GPATCH2: variants seen among roughly 807,000 people sequenced by gnomAD.
The protein encoded by GPATCH2 is G patch domain-containing protein 2.
In GPATCH2, 51 loss-of-function variants were observed where a neutral mutation model predicts 58.0. The observed-to-expected ratio is 0.88, with a 90% CI of 0.70 to 1.11. The LOEUF (loss-of-function observed/expected upper bound fraction) is 1.11. Ranked by LOEUF, GPATCH2 falls within the 50% of genes most tolerant of loss-of-function variation. The pLI, the probability that GPATCH2 is intolerant of heterozygous loss-of-function variation, is 0.00. For missense variants in GPATCH2, 625 were observed against 652.2 expected (o/e 0.96, Z 0.45); for synonymous variants, 222 against 218.5 (o/e 1.02, Z -0.14).
chr1:217,514,978 C>A, intron 5 of GPATCH2, 89 bp from the exon 6 acceptor site: 1 of 701,350 alleles, frequency 1.4e-6, no homozygotes, highest in Non-Finnish European at 2.6e-6. Flanking sequence ...TTGAAGACAT[C>A]ACTCTAAAAT....
At chr1:217,561,461 G>C (rs1665921251) in intron 5 of GPATCH2, among the ~76,000 whole-genome samples, 1 of 152,220 alleles carries the variant, frequency 6.6e-6, no homozygotes, top group South Asian at 2.1e-4. Flanking sequence ...GATGACGTTT[G>C]TCATCGAGGT....
At chr1:217,472,503 T>C (rs576848482) in intron 8 of GPATCH2, among the ~76,000 whole-genome samples, 145 of 152,092 alleles carry the variant, frequency 9.5e-4, no homozygotes, top group African/African-American at 3.3e-3. Flanking sequence ...GGGGTTTCAC[T>C]GTGTTAGCCA....
intron 6 of GPATCH2, among the ~76,000 whole-genome samples, chr1:217,504,164 T>G (rs1395871826): frequency 6.6e-6 from 1 of 152,118 alleles, no homozygotes; most frequent in Non-Finnish European, 1.5e-5. Context: ...TAGATGGTAG[T>G]ATGAACCTCA....
At chr1:217,537,725 A>C (rs539398716) in intron 5 of GPATCH2, among the ~76,000 whole-genome samples, 130 of 151,466 alleles carry the variant, frequency 8.6e-4, no homozygotes, top group Non-Finnish European at 1.4e-3. Flanking sequence ...GGAAAAAAGG[A>C]AATGCTTAAA....
At chr1:217,513,526 A>G (rs577155401) in intron 6 of GPATCH2, among the ~76,000 whole-genome samples, 1 of 152,174 alleles carries the variant, frequency 6.6e-6, no homozygotes, top group Non-Finnish European at 1.5e-5. Context: ...CCCATACTTT[A>G]TGGCCTTTTT....
At chr1:217,523,492 A>G (rs1663589932) in intron 5 of GPATCH2, among the ~76,000 whole-genome samples, 2 of 151,590 alleles carry the variant, frequency 1.3e-5, no homozygotes, top group Non-Finnish European at 2.9e-5. Flanking sequence ...GGTTGGGGGT[A>G]AGGTCACAGA....
chr1:217,521,398 T>G (rs929139726), intron 5 of GPATCH2, among the ~76,000 whole-genome samples: 23 of 139,962 alleles, frequency 1.6e-4, no homozygotes, highest in African/African-American at 5.9e-4. Flanking sequence ...AACAAATGTT[T>G]TCTGTATTTG....
intron 5 of GPATCH2, among the ~76,000 whole-genome samples, chr1:217,567,843 G>A (rs770867585): frequency 1.5e-4 from 23 of 152,304 alleles, no homozygotes; most frequent in Admixed American, 9.8e-4. Flanking sequence ...ATGGCCAGGC[G>A]TGGTGGCTCA....
At position 217,532,871 on chromosome 1, in the gene GPATCH2, C is replaced by T. The variant is rs564362309; in HGVS notation, c.1099-17982G>A. ...GGTCTTAATTGTAAAAAGTTGTGCT[C>T]TTTATCTTTTTTTTGTTTTTTTTTT... On this transcript the variant is annotated intron_variant, in intron 5 of 9. Transcript: ENST00000366935. Among the ~76,000 whole-genome samples the T allele has an allele frequency of 6.7e-4, 96 of 143,868 alleles. 1 individual carries two copies. The highest frequency in any genetic ancestry group is 2.3e-3 in the African/African-American group (90 of 38,726). The allele number at this position is 143,868 out of a possible 152,430, so 94.4% of individuals were successfully genotyped here.
At chr1:217,515,547 C>A (rs1461647249) in intron 5 of GPATCH2, among the ~76,000 whole-genome samples, 1 of 151,808 alleles carries the variant, frequency 6.6e-6, no homozygotes, top group Non-Finnish European at 1.5e-5. Flanking sequence ...ATCTCTATTA[C>A]AAATGCAAAA....
chr1:217,509,441 G>A (rs1380610828), intron 6 of GPATCH2, among the ~76,000 whole-genome samples: 3 of 152,236 alleles, frequency 2.0e-5, no homozygotes, highest in Admixed American at 6.5e-5. Flanking sequence ...AAACTAACCT[G>A]CAATCCCATC....
intron 8 of GPATCH2, among the ~76,000 whole-genome samples, chr1:217,449,571 T>C (rs1372547192): frequency 3.9e-5 from 6 of 152,220 alleles, no homozygotes; most frequent in African/African-American, 1.4e-4. Context: ...GGAATGCTTT[T>C]TAATTTTCAA....
At chr1:217,536,833 C>T (rs537948229) in intron 5 of GPATCH2, among the ~76,000 whole-genome samples, 4 of 152,108 alleles carry the variant, frequency 2.6e-5, no homozygotes, top group East Asian at 1.9e-4. Context: ...AAAAATTAGC[C>T]GGGCGTGGTG....
intron 8 of GPATCH2, among the ~76,000 whole-genome samples, chr1:217,454,977 C>T (rs1371232993): frequency 1.3e-5 from 2 of 152,204 alleles, no homozygotes; most frequent in East Asian, 1.9e-4. Context: ...GCTTTTTGTG[C>T]ATGATCTCTT....
At chr1:217,591,546 G>T (rs565479385) in intron 5 of GPATCH2, among the ~76,000 whole-genome samples, 1 of 152,112 alleles carries the variant, frequency 6.6e-6, no homozygotes, top group African/African-American at 2.4e-5. Flanking sequence ...TACTTATTCT[G>T]TCCAAATCAT....
intron 5 of GPATCH2, among the ~76,000 whole-genome samples, chr1:217,591,322 C>A (rs941822647): frequency 6.6e-6 from 1 of 151,600 alleles, no homozygotes; most frequent in Non-Finnish European, 1.5e-5. Context: ...TGTGTGTGTG[C>A]GTAAGACTAA....
intron 6 of GPATCH2, 48 bp from the exon 7 acceptor site, chr1:217,498,443 C>G: frequency 3.6e-6 from 5 of 1,407,896 alleles, no homozygotes; most frequent in Non-Finnish European, 5.0e-6. Context: ...ACTAAAAGCA[C>G]GTGCTCTCAC....
At chr1:217,470,827 A>C (rs1206127286) in intron 8 of GPATCH2, among the ~76,000 whole-genome samples, 2 of 152,116 alleles carry the variant, frequency 1.3e-5, no homozygotes, top group African/African-American at 4.8e-5. Flanking sequence ...TTTTAATTGG[A>C]ATATATATGT....
chr1:217,630,152 A>T (rs895515463), intron 1 of GPATCH2, among the ~76,000 whole-genome samples: 4 of 152,214 alleles, frequency 2.6e-5, no homozygotes, highest in African/African-American at 9.6e-5. Context: ...GTTCAACTAG[A>T]AATCCCCAAA....
Sources: gnomAD v4.1 joint callset for allele counts (sites outside exome capture counted in the v4.1 genomes callset) on GRCh38, gnomAD v4.1.1 for gene constraint, MANE v1.5 for transcripts, NCBI Gene and HGNC (gene_info 2026-07-23, HGNC 2026-07-21) for gene names.